WTIP: variants seen among roughly 807,000 people sequenced by gnomAD.
The protein encoded by WTIP is WT1 interacting protein.
WTIP carries 23 observed loss-of-function variants against 41.7 expected under a neutral mutation model. That is an observed-to-expected ratio of 0.55 (90% CI 0.40 to 0.78). The LOEUF (loss-of-function observed/expected upper bound fraction) is 0.78, where lower values mean the gene tolerates loss of function less well. Ranked by LOEUF, WTIP falls within the 30% of genes least tolerant of loss-of-function variation. The pLI is 0.00. For missense variants in WTIP, 619 were observed against 610.5 expected (o/e 1.01, Z -0.15); for synonymous variants, 314 against 269.9 (o/e 1.16, Z -1.60).
In WTIP at chr19:34,500,135, G is replaced by C. The variant is rs373987343; in HGVS notation, c.1159G>C (p.Gly387Arg). The C allele has an allele frequency of 1.3e-6, 2 of 1,599,818 alleles. No individual in the cohort carries two copies. The highest frequency in any genetic ancestry group is 2.7e-5 in the African/African-American group (2 of 74,896). Residue 387 changes from glycine to arginine, a missense_variant, in exon 8 of 8, where the codon GGG (glycine) becomes CGG (arginine). Physicochemically the swap from Gly to Arg is moderately radical, Grantham distance 125. Transcript: ENST00000590071. ...GGGCTGTGTTCTTCCCTAGGACTGCGGGCTGCAGCTGAGCGGGGAGGAGGG... is the reference window on the plus strand; with the variant it reads ...GGGCTGTGTTCTTCCCTAGGACTGCCGGCTGCAGCTGAGCGGGGAGGAGGG... ...HVACYHCEDC[G>R]LQLSGEEGRR... is the part of the protein sequence containing the mutation.
chr19:34,495,100 A>G (rs552533594), intron 6 of WTIP, among the ~76,000 whole-genome samples: 12 of 152,330 alleles, frequency 7.9e-5, no homozygotes, highest in African/African-American at 2.9e-4. Flanking sequence ...TGAGACTCCA[A>G]GGAAGTGAAA....
At position 34,493,400 on chromosome 19, in the gene WTIP, C is replaced by T; in HGVS notation, c.900+75C>T. On this transcript the variant is annotated intron_variant, in intron 4 of 7. Transcript: ENST00000590071. The surrounding 1 kb of genome is among the most constrained non-coding windows in gnomAD (Gnocchi z 4.1). ...TGAGGACTCTACCGTCTCCCCTGCT[C>T]CAGACCTGCCAGGGGTTCAGGGCCA... 1 of 1,592,420 alleles carries T rather than the reference C, an allele frequency of 6.3e-7. No individual in the cohort carries two copies. Among genetic ancestry groups the T allele is most frequent in the Non-Finnish European group, 8.5e-7 (1 of 1,170,136 alleles).
At chr19:34,491,024 TA>T (rs900254279) in intron 2 of WTIP, among the ~76,000 whole-genome samples, 18 of 151,388 alleles carry the variant, frequency 1.2e-4, no homozygotes, top group Admixed American at 2.0e-4. Flanking sequence ...GATGGGGTTT[TA>T]CCATGTTGGC....
At chr19:34,495,419 A>G (rs1044544497) in intron 6 of WTIP, among the ~76,000 whole-genome samples, 1 of 151,098 alleles carries the variant, frequency 6.6e-6, no homozygotes, top group Admixed American at 6.6e-5. Flanking sequence ...AGGATCAGTG[A>G]GGTGAAAATA....
Position 34,482,033 on chromosome 19 carries a change from T to C in WTIP, c.59T>C (p.Leu20Pro). The change falls in exon 1 of 8, where the codon CTG becomes CCG. Residue 20 changes from leucine (L) to proline (P), a missense_variant. Physicochemically the swap from Leu to Pro is moderately conservative, Grantham distance 98. This residue lies in a region of WTIP where 363 missense variants were observed against 309.0 expected (regional missense o/e 1.17). Coordinates refer to ENST00000590071, the MANE Select transcript of WTIP (RefSeq NM_001080436.2). ...GCCCTACTCCTGGCCGGGCTGGCCC[T>C]GCGGGAGCTGGAGCCCGGGTGCGGC... The part of the protein sequence containing the change: ...EAALLLAGLA[L>P]RELEPGCGSP... 2 of 1,027,334 alleles carry C rather than the reference T, an allele frequency of 1.9e-6. No individual in the cohort carries two copies. The allele number at this position is 1,027,334 out of a possible 1,614,324, so 63.6% of individuals were successfully genotyped here.
At position 34,503,719 on chromosome 19, in the gene WTIP, G is replaced by A. The variant is rs989344833; in HGVS notation, c.*3450G>A. The A allele has an allele frequency of 2.0e-5, 3 of 152,636 alleles. No individual in the cohort carries two copies. The highest frequency in any genetic ancestry group is 2.9e-5 in the Non-Finnish European group (2 of 68,408). 9.5% of individuals were successfully genotyped at this position (152,636 alleles called of 1,614,324 possible). A position where few individuals can be genotyped will look rare whatever the true frequency, so the allele number is the denominator to read the frequency against. ...AGCTTGGGCCCGCCTGGTGGCTCACGCTACTCTCCACCGTGCCTGGATTAG... is the reference window on the plus strand; with the variant it reads ...AGCTTGGGCCCGCCTGGTGGCTCACACTACTCTCCACCGTGCCTGGATTAG... On this transcript the variant is annotated 3_prime_UTR_variant, in exon 8 of 8. Transcript: ENST00000590071.
chr19:34,487,051 C>T (rs1486647234), intron 1 of WTIP, among the ~76,000 whole-genome samples: 3 of 151,436 alleles, frequency 2.0e-5, no homozygotes, highest in Non-Finnish European at 4.4e-5. Context: ...GTCTCAGACT[C>T]CCAAAGTGCT....
intron 2 of WTIP, among the ~76,000 whole-genome samples, chr19:34,491,790 G>A (rs770316542): frequency 4.0e-5 from 6 of 151,810 alleles, no homozygotes; most frequent in East Asian, 1.9e-4. Context: ...GACTATAGGC[G>A]CGCAACACCA....
At position 34,504,031 on chromosome 19, in the gene WTIP, G is replaced by A. The variant is rs2075900626; in HGVS notation, c.*3762G>A. ...TGCATGTGTGTGTGTGTGAGAGAGA[G>A]ACAGGGATGGGGGGAGAGTGTGTGT... On this transcript the variant is annotated 3_prime_UTR_variant, in exon 8 of 8. Transcript: ENST00000590071. The A allele has an allele frequency of 6.6e-6, 1 of 152,324 alleles. No homozygotes were observed. Among genetic ancestry groups the A allele is most frequent in the Non-Finnish European group, 1.5e-5 (1 of 68,244 alleles). The allele number at this position is 152,324 out of a possible 1,614,324, so 9.4% of individuals were successfully genotyped here. A position where few individuals can be genotyped will look rare whatever the true frequency, so the allele number is the denominator to read the frequency against.
Position 34,500,446 on chromosome 19 carries a change from C to G in WTIP, c.*177C>G. On this transcript the variant is annotated 3_prime_UTR_variant, in exon 8 of 8. Transcript: ENST00000590071. Reference sequence around the variant, plus strand: ...TATTTATTCACCGTCTGTGCCTGCTCAAGTCACTTCCCTGCGGGCCCTGCC... The same window carrying G: ...TATTTATTCACCGTCTGTGCCTGCTGAAGTCACTTCCCTGCGGGCCCTGCC... 1.1e-6 allele frequency: 1 copy of G among 904,552 alleles called. No homozygotes were observed. Among genetic ancestry groups the G allele is most frequent in the Non-Finnish European group, 1.6e-6 (1 of 636,992 alleles). 56.0% of individuals were successfully genotyped at this position (904,552 alleles called of 1,614,324 possible). A position where few individuals can be genotyped will look rare whatever the true frequency, so the allele number is the denominator to read the frequency against.
chr19:34,493,002 G>T lies in WTIP; in HGVS notation c.770-35G>T. 1 of 1,611,526 alleles carries T rather than the reference G, an allele frequency of 6.2e-7. No homozygotes were observed. The highest frequency in any genetic ancestry group is 8.5e-7 in the Non-Finnish European group (1 of 1,177,764). On this transcript the variant is annotated intron_variant, in intron 2 of 7. Coordinates refer to ENST00000590071, the MANE Select transcript of WTIP (RefSeq NM_001080436.2). The surrounding 1 kb of genome is among the most constrained non-coding windows in gnomAD (Gnocchi z 4.1). Reference sequence around the variant, plus strand: ...CACGGCTCCATCCCTGGTCCCCAGCGTTCCAGGGACCCCTCTCAACCCTCA... The same window carrying T: ...CACGGCTCCATCCCTGGTCCCCAGCTTTCCAGGGACCCCTCTCAACCCTCA...
chr19:34,494,582 C>T lies in WTIP; in HGVS notation c.1032-4C>T, dbSNP rs756865585. ...ATCACTTCTGGTTTCCTTTATTTCT[C>T]TAGGGTTTTTGCACCAAAATGCGCC... is the stretch of plus-strand genomic sequence containing the variant. On this transcript the variant is annotated splice_region_variant and splice_polypyrimidine_tract_variant and intron_variant, in intron 5 of 7. Coordinates refer to ENST00000590071, the MANE Select transcript of WTIP (RefSeq NM_001080436.2). The T allele has an allele frequency of 2.5e-6, 4 of 1,613,520 alleles. No homozygotes were observed. Among genetic ancestry groups the T allele is most frequent in the South Asian group, 2.2e-5 (2 of 90,966 alleles).
rs1599965945 is a variant in WTIP, at chr19:34,500,210, C to T, written c.1234C>T (p.Leu412=). 6.2e-7 allele frequency: 1 copy of T among 1,606,516 alleles called. No individual in the cohort carries two copies. Among genetic ancestry groups the T allele is most frequent in the Non-Finnish European group, 8.5e-7 (1 of 1,179,640 alleles). ...CCACCTACTGTGTCGTCGTTGCCAC[C>T]TGCGGCGCCTCCAACCTGGGCCTCT... is the stretch of plus-strand genomic sequence containing the variant. ...AGHLLCRRCH[L]RRLQPGPLPS... is the part of the protein sequence containing the mutation. Residue 412 remains leucine (L), a synonymous_variant, in exon 8 of 8, where the codon CTG becomes TTG. Transcript: ENST00000590071.
chr19:34,494,365 G>A (rs28517651), intron 5 of WTIP, among the ~76,000 whole-genome samples: 46,297 of 151,006 alleles, frequency 0.31, 7,219 homozygotes, highest in African/African-American at 0.33. Context: ...ACCAGCCTGG[G>A]CAACATAGTG....
At chr19:34,498,101 G>T (rs2075864960) in intron 7 of WTIP, among the ~76,000 whole-genome samples, 1 of 152,164 alleles carries the variant, frequency 6.6e-6, no homozygotes, top group Non-Finnish European at 1.5e-5. Flanking sequence ...CCAGGGAAAG[G>T]AGTGATGTGG....
At position 34,490,367 on chromosome 19, in the gene WTIP, C is replaced by A; in HGVS notation, c.668-9C>A. ...TAACCCCTGCTCTCTCCTGCCTCTC[C>A]TCTCCTAGGCATTTGCATCAAGTGT... is the stretch of plus-strand genomic sequence containing the variant. On this transcript the variant is annotated splice_polypyrimidine_tract_variant and intron_variant, in intron 1 of 7. Transcript: ENST00000590071. 1.2e-6 allele frequency: 2 copies of A among 1,613,818 alleles called. No individual in the cohort carries two copies. Among genetic ancestry groups the A allele is most frequent in the South Asian group, 2.2e-5 (2 of 91,060 alleles).
chr19:34,494,179 G>T (rs1258924085), intron 5 of WTIP, among the ~76,000 whole-genome samples: 2 of 152,124 alleles, frequency 1.3e-5, no homozygotes, highest in African/African-American at 4.8e-5. Context: ...GAACTCACAG[G>T]AAACATGGGG....
At position 34,512,265 on chromosome 19, in the gene WTIP, C is replaced by T. The variant is rs753973428; in HGVS notation, c.*11996C>T. The T allele has an allele frequency of 2.6e-5, 4 of 152,206 alleles. No individual in the cohort carries two copies. The highest frequency in any genetic ancestry group is 5.9e-5 in the Non-Finnish European group (4 of 68,044). The allele number at this position is 152,206 out of a possible 1,614,324, so 9.4% of individuals were successfully genotyped here. A position where few individuals can be genotyped will look rare whatever the true frequency, so the allele number is the denominator to read the frequency against. ...CATCATGAGGACCCCACGTATTGTA[C>T]TTTGATAAAGTTAATAAATGGAATT... On this transcript the variant is annotated 3_prime_UTR_variant, in exon 8 of 8. Transcript: ENST00000590071.
At chr19:34,483,407 G>T (rs969104350) in intron 1 of WTIP, among the ~76,000 whole-genome samples, 2 of 152,034 alleles carry the variant, frequency 1.3e-5, no homozygotes, top group African/African-American at 4.8e-5. Context: ...GTGCTTCCCC[G>T]TCTGCCCCGC....
Sources: allele counts gnomAD v4.1 joint callset (sites outside exome capture counted in the v4.1 genomes callset), GRCh38; gene constraint gnomAD v4.1.1; regional missense constraint gnomAD v4.1.1; non-coding constraint Gnocchi (gnomAD v3.1); transcripts MANE v1.5; gene names NCBI Gene and HGNC (gene_info 2026-07-23, HGNC 2026-07-21).